The following BANP variants were observed in gnomAD, a reference collection of about 807,000 sequenced individuals.
BANP encodes BTG3 associated nuclear protein, also known as protein BANP.
A neutral mutation model predicts 68.1 loss-of-function variants in BANP; 11 were observed. The observed-to-expected ratio is 0.16, with a 90% CI of 0.10 to 0.27. BANP has a LOEUF of 0.27. BANP is among the 10% of genes least tolerant of loss of function. The probability of loss-of-function intolerance (pLI) is 1.00; values close to 1 mark genes in which losing one functional copy is unlikely to be tolerated. For synonymous variants in BANP, 329 were observed against 303.2 expected, an observed-to-expected ratio of 1.09 and a Z score of -0.88; for missense variants, 504 against 722.7, an observed-to-expected ratio of 0.70 and a Z score of 3.47.
Position 88,076,890 on chromosome 16 carries a change from A to G in BANP, c.*229A>G. 1.9e-6 allele frequency: 1 copy of G among 538,982 alleles called. No individual in the cohort carries two copies. The allele number at this position is 538,982 out of a possible 1,614,324, so 33.4% of individuals were successfully genotyped here. A position where few individuals can be genotyped will look rare whatever the true frequency, so the allele number is the denominator to read the frequency against. ...TGAGTCCTGCTGTTGGTGTCGGAGCACGAGGGGAGGCACGGTGCGGAGAGC... is the reference window on the plus strand; with the variant it reads ...TGAGTCCTGCTGTTGGTGTCGGAGCGCGAGGGGAGGCACGGTGCGGAGAGC... On this transcript the variant is annotated 3_prime_UTR_variant, in exon 14 of 14. Coordinates refer to ENST00000682872, the MANE Select transcript of BANP (RefSeq NM_001386991.1).
chr16:88,055,593 A>G (rs952568619), intron 11 of BANP, among the ~76,000 whole-genome samples: 2 of 152,226 alleles, frequency 1.3e-5, no homozygotes, highest in Non-Finnish European at 1.5e-5. Flanking sequence ...GACATGGGAA[A>G]TGTCCAACAT....
intron 11 of BANP, among the ~76,000 whole-genome samples, chr16:88,050,842 C>G (rs1363501921): frequency 1.3e-5 from 2 of 151,004 alleles, no homozygotes; most frequent in African/African-American, 2.5e-5. Flanking sequence ...TGCGCACCAC[C>G]ACGACCTGCT....
chr16:87,959,290 T>C (rs547832292), intron 1 of BANP, among the ~76,000 whole-genome samples: 2 of 152,358 alleles, frequency 1.3e-5, no homozygotes. Flanking sequence ...TCTTTTGTTA[T>C]TTTTCTGTTT....
At chr16:88,059,714 G>A (rs1032472378) in intron 11 of BANP, among the ~76,000 whole-genome samples, 2 of 152,106 alleles carry the variant, frequency 1.3e-5, no homozygotes, top group African/African-American at 2.4e-5. Flanking sequence ...GGGGCTTCCC[G>A]ACGGAGACGT....
chr16:87,976,430 CTT>C (rs1348241919), intron 2 of BANP, among the ~76,000 whole-genome samples: 2 of 146,562 alleles, frequency 1.4e-5, no homozygotes, highest in African/African-American at 5.1e-5. Context: ...AACTTCATCT[CTT>C]CATCTGTGAT....
chr16:88,042,664 C>T (rs2081111197), intron 11 of BANP, among the ~76,000 whole-genome samples: 1 of 147,982 alleles, frequency 6.8e-6, no homozygotes, highest in Non-Finnish European at 1.5e-5. Flanking sequence ...CACCTGTAAT[C>T]CCAGTACTTT....
chr16:87,986,958 G>T (rs191742451), intron 4 of BANP, among the ~76,000 whole-genome samples: 1 of 152,074 alleles, frequency 6.6e-6, no homozygotes, highest in Admixed American at 6.5e-5. Flanking sequence ...ACCATTATTT[G>T]TAAAAATTAA....
rs368953008 is a variant in BANP at position 87,961,412 on chromosome 16, C to CCCCCCCG, written c.-69+9901_-69+9902insCCGCCCC. ...CTCCTGGACTCACAGAATCTGCACC[C>CCCCCCCG]CCCCGGGCCTCCCAAAGTGCTGGGA... On this transcript the variant is annotated intron_variant, in intron 1 of 13. Coordinates refer to ENST00000682872, the MANE Select transcript of BANP (RefSeq NM_001386991.1). Among the ~76,000 whole-genome samples, 3 of 142,948 alleles carry CCCCCCCG rather than the reference C, an allele frequency of 2.1e-5. 1 individual carries two copies. The highest frequency in any genetic ancestry group is 4.8e-5 in the Non-Finnish European group (3 of 62,250). 93.8% of individuals were successfully genotyped at this position (142,948 alleles called of 152,430 possible).
intron 1 of BANP, among the ~76,000 whole-genome samples, chr16:87,954,151 G>T (rs992202525): frequency 6.6e-6 from 1 of 152,096 alleles, no homozygotes; most frequent in Non-Finnish European, 1.5e-5. Flanking sequence ...GTTCTAGGTG[G>T]AGCCCTGGAG....
At position 88,071,978 on chromosome 16, in the gene BANP, G is replaced by C; in HGVS notation, c.1378-91G>C. The C allele has an allele frequency of 6.6e-7, 1 of 1,506,622 alleles. No individual in the cohort carries two copies. The highest frequency in any genetic ancestry group is 1.2e-5 in the South Asian group (1 of 82,752). 93.3% of individuals were successfully genotyped at this position (1,506,622 alleles called of 1,614,324 possible). On this transcript the variant is annotated intron_variant, in intron 12 of 13. Coordinates refer to ENST00000682872, the MANE Select transcript of BANP (RefSeq NM_001386991.1). The surrounding 1 kb of genome is among the most constrained non-coding windows in gnomAD (Gnocchi z 6.5). ...TGCCGCTCAGGGGACAGCACGTGTG[G>C]GCTGGGGTCTGCGGTCTGTGGAGCC... is the stretch of plus-strand genomic sequence containing the variant.
chr16:88,070,600 T>C (rs904416580), intron 12 of BANP, among the ~76,000 whole-genome samples: 11 of 151,956 alleles, frequency 7.2e-5, no homozygotes, highest in African/African-American at 2.2e-4. Flanking sequence ...CCAGGGGGGA[T>C]GGGTTTTCAG....
In BANP at chr16:88,006,178, G is replaced by C; in HGVS notation, c.568G>C (p.Glu190Gln). 1 of 1,613,942 alleles carries C rather than the reference G, an allele frequency of 6.2e-7. No homozygotes were observed. The highest frequency in any genetic ancestry group is 8.5e-7 in the Non-Finnish European group (1 of 1,179,924). The change falls in exon 6 of 14, where the codon GAG (glutamate) becomes CAG (glutamine). Residue 190 changes from glutamate to glutamine, a missense_variant. This residue lies in a region of BANP where 238 missense variants were observed against 278.9 expected (regional missense o/e 0.85). Coordinates refer to ENST00000682872, the MANE Select transcript of BANP (RefSeq NM_001386991.1). The stretch of plus-strand genomic sequence containing the variant: ...CCACGAGGACGGGGAGAGCGGCTCG[G>C]AGGCCAGCGACTCTGTGTCCAGCTG... Reference protein sequence around the residue: ...SHHEDGESGSEASDSVSSCGQ... With the variant: ...SHHEDGESGSQASDSVSSCGQ...
chr16:87,993,685 C>A (rs2066462524), intron 4 of BANP, among the ~76,000 whole-genome samples: 1 of 151,930 alleles, frequency 6.6e-6, no homozygotes. Context: ...GTAACCTCCG[C>A]CTCCTGGGTT....
At chr16:88,011,080 C>T (rs948834974) in intron 6 of BANP, among the ~76,000 whole-genome samples, 2 of 152,224 alleles carry the variant, frequency 1.3e-5, no homozygotes, top group African/African-American at 2.4e-5. Context: ...CGGGAGACAG[C>T]AGCGTGAGAA....
At chr16:87,988,369 T>C (rs1182818223) in intron 4 of BANP, among the ~76,000 whole-genome samples, 1 of 152,130 alleles carries the variant, frequency 6.6e-6, no homozygotes, top group Non-Finnish European at 1.5e-5. Flanking sequence ...GTTCTAGTGA[T>C]TCTCCTGCCT....
chr16:88,008,340 TC>T (rs759099874), intron 6 of BANP, among the ~76,000 whole-genome samples: 4 of 152,008 alleles, frequency 2.6e-5, no homozygotes, highest in Non-Finnish European at 5.9e-5. Context: ...ATGGAGTTTT[TC>T]ACACATGAAA....
intron 7 of BANP, among the ~76,000 whole-genome samples, chr16:88,026,882 C>T (rs1598591760): frequency 6.6e-6 from 1 of 152,190 alleles, no homozygotes; most frequent in African/African-American, 2.4e-5. Context: ...TAACAATACA[C>T]ACATGAATTC....
Position 88,044,981 on chromosome 16 carries a change from CA to C in BANP, c.1311+6982del, listed in dbSNP as rs750381029. On this transcript the variant is annotated intron_variant, in intron 11 of 13. Coordinates refer to ENST00000682872, the MANE Select transcript of BANP (RefSeq NM_001386991.1). ...TGGGCAACAGAGCGCGACTCCGTCT[CA>C]AAAAAAAAAAATTTACAATTATATA... Among the ~76,000 whole-genome samples, 228 of 138,886 alleles carry C rather than the reference CA, an allele frequency of 1.6e-3. 1 individual carries two copies. The highest frequency in any genetic ancestry group is 3.6e-3 in the Middle Eastern group (1 of 276). The allele number at this position is 138,886 out of a possible 152,430, so 91.1% of individuals were successfully genotyped here.
At chr16:88,017,762 G>T (rs1299894282) in intron 6 of BANP, among the ~76,000 whole-genome samples, 1 of 152,220 alleles carries the variant, frequency 6.6e-6, no homozygotes, top group Non-Finnish European at 1.5e-5. Context: ...TCCATGTGGA[G>T]TGTGGGCCTG....
Sources: gnomAD v4.1 joint callset for allele counts (sites outside exome capture counted in the v4.1 genomes callset) on GRCh38, gnomAD v4.1.1 for gene constraint, gnomAD v4.1.1 regional missense constraint, Gnocchi (gnomAD v3.1) non-coding constraint, MANE v1.5 for transcripts, NCBI Gene and HGNC (gene_info 2026-07-23, HGNC 2026-07-21) for gene names.